The following ANKRD36C variants were observed in gnomAD, a reference collection of about 807,000 sequenced individuals.
The protein encoded by ANKRD36C is ankyrin repeat domain-containing protein 36C.
A neutral mutation model predicts 276.4 loss-of-function variants in ANKRD36C; 61 were observed. The observed-to-expected ratio is 0.22, with a 90% CI of 0.18 to 0.27. The LOEUF (loss-of-function observed/expected upper bound fraction) is 0.27. Ranked by LOEUF, ANKRD36C falls within the 10% of genes least tolerant of loss-of-function variation. ANKRD36C has a pLI of 1.00. For missense variants in ANKRD36C, 1,447 were observed against 2,032.3 expected (o/e 0.71, Z 5.54); for synonymous variants, 483 against 680.1 (o/e 0.71, Z 4.51).
In ANKRD36C at chr2:95,914,209, G is replaced by T. The variant is rs375329602; in HGVS notation, c.2479-29C>A. On this transcript the variant is annotated intron_variant, in intron 39 of 66. Transcript: ENST00000456556. The stretch of plus-strand genomic sequence containing the variant: ...AATGGAATTTGAAATGAAATAATAA[G>T]TTAATAAAGTATGTTTCATAGACTA... The T allele has an allele frequency of 2.5e-6, 4 of 1,568,828 alleles. No individual in the cohort carries two copies. In the African/African-American group the frequency reaches 4.1e-5, roughly 16 times the overall value.
At chr2:95,914,221 T>G (rs773417560) in intron 39 of ANKRD36C, 41 bp from the exon 42 acceptor site, 2 of 1,562,592 alleles carry the variant, frequency 1.3e-6, no homozygotes, top group Admixed American at 3.8e-5. Context: ...TAATAAAGTA[T>G]GTTTCATAGA....
At chr2:95,924,578 C>T (rs867559448) in intron 30 of ANKRD36C, among the ~76,000 whole-genome samples, 5 of 151,534 alleles carry the variant, frequency 3.3e-5, no homozygotes, top group Non-Finnish European at 5.9e-5. Flanking sequence ...CACTAAATAG[C>T]TATTTTAATG....
At chr2:95,988,761 A>T (rs1436048706) in intron 1 of ANKRD36C, among the ~76,000 whole-genome samples, 2 of 152,244 alleles carry the variant, frequency 1.3e-5, no homozygotes, top group Admixed American at 1.3e-4. Flanking sequence ...ACTATAATAA[A>T]AACCTATTTA....
At chr2:95,915,432 T>C (rs1677063237) in intron 38 of ANKRD36C, among the ~76,000 whole-genome samples, 1 of 151,520 alleles carries the variant, frequency 6.6e-6, no homozygotes, top group South Asian at 2.1e-4. Context: ...ATGTTCCAAA[T>C]GCATCTGAAG....
intron 42 of ANKRD36C, among the ~76,000 whole-genome samples, chr2:95,910,976 A>C (rs1338257116): frequency 6.6e-6 from 1 of 151,448 alleles, no homozygotes; most frequent in Admixed American, 6.6e-5. Context: ...ACACCATTAT[A>C]CTACAAACAT....
intron 6 of ANKRD36C, among the ~76,000 whole-genome samples, chr2:95,965,225 C>G (rs1678563769): frequency 1.3e-5 from 2 of 151,904 alleles, no homozygotes; most frequent in South Asian, 4.2e-4. Context: ...CACACACACA[C>G]ACAAACACAC....
intron 6 of ANKRD36C, among the ~76,000 whole-genome samples, chr2:95,971,377 C>CAGGT (rs1159298111): frequency 6.9e-6 from 1 of 145,276 alleles, no homozygotes; most frequent in Non-Finnish European, 1.5e-5. Context: ...ATGTACCACT[C>CAGGT]AGGTGGGAGA....
At chr2:95,854,884 C>A (rs1218281999) in intron 63 of ANKRD36C, among the ~76,000 whole-genome samples, 1 of 151,650 alleles carries the variant, frequency 6.6e-6, no homozygotes, top group Non-Finnish European at 1.5e-5. Flanking sequence ...GTCAAAGTAC[C>A]CCACTTAATT....
intron 60 of ANKRD36C, among the ~76,000 whole-genome samples, chr2:95,861,551 G>A (rs1473366309): frequency 6.6e-6 from 1 of 151,170 alleles, no homozygotes; most frequent in Non-Finnish European, 1.5e-5. Context: ...ACTGTGATAA[G>A]TTAAAATTAT....
chr2:95,912,370 G>C, intron 41 of ANKRD36C, 37 bp downstream of exon 43: 1 of 1,603,314 alleles, frequency 6.2e-7, no homozygotes. Flanking sequence ...TAGGCTTTAC[G>C]TTTACTAGCT....
At chr2:95,972,089 T>A (rs541921620) in intron 6 of ANKRD36C, among the ~76,000 whole-genome samples, 1 of 152,184 alleles carries the variant, frequency 6.6e-6, no homozygotes, top group East Asian at 1.9e-4. Context: ...AGAAAATAAT[T>A]CATATAACAG....
chr2:95,878,858 G>A (rs557737192), intron 58 of ANKRD36C, among the ~76,000 whole-genome samples: 2 of 152,236 alleles, frequency 1.3e-5, no homozygotes, highest in South Asian at 4.1e-4. Flanking sequence ...TACACCATTG[G>A]TGGCATTATG....
chr2:95,873,768 ACTAGAAAAC>A (rs1214001076), intron 59 of ANKRD36C, among the ~76,000 whole-genome samples: 1 of 152,210 alleles, frequency 6.6e-6, no homozygotes, highest in Non-Finnish European at 1.5e-5. Flanking sequence ...TGATTGTATA[ACTAGAAAAC>A]CCCATTGTCT....
intron 26 of ANKRD36C, among the ~76,000 whole-genome samples, chr2:95,928,642 T>G (rs1677476211): frequency 6.6e-6 from 1 of 151,506 alleles, no homozygotes; most frequent in South Asian, 2.1e-4. Flanking sequence ...GCTACATCAG[T>G]GGTCTTCTTA....
chr2:95,852,330 T>G, intron 64 of ANKRD36C, 134 bp from the exon 85 acceptor site: 1 of 735,018 alleles, frequency 1.4e-6, no homozygotes, highest in Non-Finnish European at 2.2e-6. Flanking sequence ...GGTCATAATC[T>G]AGGAGAAGTC....
At chr2:95,971,493 A>G (rs1678696982) in intron 6 of ANKRD36C, among the ~76,000 whole-genome samples, 1 of 152,088 alleles carries the variant, frequency 6.6e-6, no homozygotes, top group African/African-American at 2.4e-5. Flanking sequence ...CTCTTAAAAT[A>G]AAGTTATTAA....
At chr2:95,972,895 A>G (rs1678726020) in intron 6 of ANKRD36C, among the ~76,000 whole-genome samples, 1 of 152,192 alleles carries the variant, frequency 6.6e-6, no homozygotes, top group Admixed American at 6.5e-5. Context: ...CTTCTAGAAG[A>G]GAAACAAAAA....
chr2:95,878,106 C>A (rs1214052401), intron 58 of ANKRD36C, among the ~76,000 whole-genome samples: 4 of 148,820 alleles, frequency 2.7e-5, no homozygotes, highest in Non-Finnish European at 5.9e-5. Context: ...ATCGCTTTAA[C>A]CCGGGAGGTG....
intron 60 of ANKRD36C, among the ~76,000 whole-genome samples, chr2:95,866,094 T>G (rs1675678393): frequency 6.6e-6 from 1 of 152,102 alleles, no homozygotes; most frequent in Non-Finnish European, 1.5e-5. Context: ...ATCCAAAAAG[T>G]GAACTTGAAT....
Sources: allele counts gnomAD v4.1 joint callset (sites outside exome capture counted in the v4.1 genomes callset), GRCh38; gene constraint gnomAD v4.1.1; transcripts MANE v1.5; gene names NCBI Gene and HGNC (gene_info 2026-07-23, HGNC 2026-07-21).